Variants in SMAD2 observed in about 807,000 individuals in gnomAD.
SMAD2 encodes the protein SMAD family member 2, also known as MAD homolog 2.
Under a neutral mutation model 64.4 loss-of-function variants are expected in SMAD2, and 8 were observed. That is an observed-to-expected ratio of 0.12 (90% CI 0.07 to 0.22). The LOEUF (loss-of-function observed/expected upper bound fraction) is 0.22. Among genes scored for constraint, SMAD2 ranks in the 10% least tolerant of loss-of-function variants. The pLI, the probability that SMAD2 is intolerant of heterozygous loss-of-function variation, is 1.00. For missense variants in SMAD2, 289 were observed against 561.2 expected, an observed-to-expected ratio of 0.51 and a Z score of 4.90; for synonymous variants, 203 against 195.8, an observed-to-expected ratio of 1.04 and a Z score of -0.31.
chr18:47,909,080 A>G (rs967116810), intron 1 of SMAD2, among the ~76,000 whole-genome samples: 1 of 152,218 alleles, frequency 6.6e-6, no homozygotes. Context: ...AAAAAAAAAA[A>G]AAAAGAAAAT....
At chr18:47,923,297 T>C (rs555258039) in intron 1 of SMAD2, among the ~76,000 whole-genome samples, 3 of 152,276 alleles carry the variant, frequency 2.0e-5, no homozygotes, top group African/African-American at 7.2e-5. Context: ...CCTGACCCTC[T>C]TCTGAAGCAG....
At position 47,832,357 on chromosome 18, in the gene SMAD2, ATTAT is replaced by A. The variant is rs1913029526; in HGVS notation, c.*9466_*9469del. ...TTCAATGTTGGGAAGTCCCTTTTAGATTATTTATACAGTGGCAGGTGGTAGCAAT... is the reference window on the plus strand; with the variant it reads ...TTCAATGTTGGGAAGTCCCTTTTAGATTATACAGTGGCAGGTGGTAGCAAT... On this transcript the variant is annotated 3_prime_UTR_variant, in exon 11 of 11. Coordinates refer to ENST00000262160, the MANE Select transcript of SMAD2 (RefSeq NM_005901.6). The A allele has an allele frequency of 6.6e-6, 1 of 152,206 alleles. No homozygotes were observed. The highest frequency in any genetic ancestry group is 1.5e-5 in the Non-Finnish European group (1 of 68,046). The allele number at this position is 152,206 out of a possible 1,614,324, so 9.4% of individuals were successfully genotyped here.
In SMAD2 at chr18:47,869,291, C is replaced by T. The variant is rs2144378001; in HGVS notation, c.472G>A (p.Asp158Asn). The change falls in exon 4 of 11, where the codon GAT (aspartate) becomes AAT (asparagine). Residue 158 changes from aspartate to asparagine, a missense_variant. Physicochemically the swap from Asp to Asn is conservative, Grantham distance 23. Transcript: ENST00000262160. Reference protein sequence around the residue: ...NCEYAFNLKKDEVCVNPYHYQ... With the variant: ...NCEYAFNLKKNEVCVNPYHYQ... ...TGGTAAGGGTTTACACATACTTCAT[C>T]CTTTTTAAGATTAAAAGCATATTCG... 6.2e-7 allele frequency: 1 copy of T among 1,613,514 alleles called. No homozygotes were observed. The highest frequency in any genetic ancestry group is 8.5e-7 in the Non-Finnish European group (1 of 1,179,664).
In SMAD2 at chr18:47,830,504, G is replaced by A. The variant is rs1254835935; in HGVS notation, c.*11323C>T. ...AGGCAGGAGAATCACTTGAACCCAG[G>A]AGGCGAGGCTGCAGTGAGCCGAGAT... is the stretch of plus-strand genomic sequence containing the variant. On this transcript the variant is annotated 3_prime_UTR_variant, in exon 11 of 11. Coordinates refer to ENST00000262160, the MANE Select transcript of SMAD2 (RefSeq NM_005901.6). 1 of 149,738 alleles carries A rather than the reference G, an allele frequency of 6.7e-6. No homozygotes were observed. Among genetic ancestry groups the A allele is most frequent in the African/African-American group, 2.5e-5 (1 of 40,488 alleles). 9.3% of individuals were successfully genotyped at this position (149,738 alleles called of 1,614,324 possible).
At chr18:47,848,738 A>AT (rs1213790414) in intron 7 of SMAD2, 51 bp from the exon 8 acceptor site, 13 of 1,263,776 alleles carry the variant, frequency 1.0e-5, no homozygotes, top group Non-Finnish European at 1.5e-5. Flanking sequence ...TGCGTGAACA[A>AT]TTCAAGCCAA....
chr18:47,842,803 C>A (rs535236819), intron 10 of SMAD2, among the ~76,000 whole-genome samples: 1 of 152,144 alleles, frequency 6.6e-6, no homozygotes, highest in South Asian at 2.1e-4. Flanking sequence ...CAACACCATT[C>A]GGGCTTTTAA....
At chr18:47,886,758 T>C (rs1176445273) in intron 2 of SMAD2, 3 of 156,228 alleles carry the variant, frequency 1.9e-5, no homozygotes, top group Non-Finnish European at 4.3e-5. Context: ...TTCATAGCGC[T>C]TCCCATCATA....
At chr18:47,930,176 G>A (rs568977021) in intron 1 of SMAD2, 185 bp downstream of exon 1, 1 of 152,324 alleles carries the variant, frequency 6.6e-6, no homozygotes, top group Admixed American at 6.5e-5. Context: ...CAGTGCAACC[G>A]AGCCCCGTCC....
chr18:47,880,528 T>C (rs2032525182), intron 2 of SMAD2, among the ~76,000 whole-genome samples: 2 of 152,218 alleles, frequency 1.3e-5, no homozygotes, highest in Admixed American at 6.5e-5. Flanking sequence ...AAGGTGAGTC[T>C]TGAAGTCAGG....
chr18:47,858,345 T>C (rs2030896377), intron 6 of SMAD2, among the ~76,000 whole-genome samples: 1 of 152,192 alleles, frequency 6.6e-6, no homozygotes, highest in Non-Finnish European at 1.5e-5. Flanking sequence ...ACATACATAT[T>C]ATCACTTGAT....
intron 10 of SMAD2, 35 bp downstream of exon 10, chr18:47,845,305 T>C (rs2144286859): frequency 2.5e-6 from 4 of 1,589,804 alleles, no homozygotes; most frequent in Non-Finnish European, 3.5e-6. Context: ...ATAATTACAC[T>C]GTGGAAATTT....
At chr18:47,858,220 T>C (rs1170368051) in intron 6 of SMAD2, among the ~76,000 whole-genome samples, 2 of 152,142 alleles carry the variant, frequency 1.3e-5, no homozygotes, top group Non-Finnish European at 2.9e-5. Context: ...TGTTACATAT[T>C]AACTGGACAC....
chr18:47,916,965 A>C (rs1339052456), intron 1 of SMAD2, among the ~76,000 whole-genome samples: 1 of 152,178 alleles, frequency 6.6e-6, no homozygotes, highest in Non-Finnish European at 1.5e-5. Flanking sequence ...ACATGCACTA[A>C]ATCAAAGACA....
intron 1 of SMAD2, among the ~76,000 whole-genome samples, chr18:47,926,711 GTTCA>G (rs1472858155): frequency 2.6e-5 from 4 of 152,142 alleles, no homozygotes; most frequent in Non-Finnish European, 4.4e-5. Context: ...GGCCTTTGTT[GTTCA>G]TTGTCTGCTT....
chr18:47,879,648 A>G (rs554772656), intron 2 of SMAD2, among the ~76,000 whole-genome samples: 88 of 152,302 alleles, frequency 5.8e-4, no homozygotes, highest in African/African-American at 1.9e-3. Context: ...CATTCAAGAA[A>G]GTACATATCA....
chr18:47,876,819 T>C (rs903130508), intron 2 of SMAD2, among the ~76,000 whole-genome samples: 1 of 152,104 alleles, frequency 6.6e-6, no homozygotes, highest in Non-Finnish European at 1.5e-5. Flanking sequence ...CGCCTACATA[T>C]ATACACATCT....
chr18:47,857,363 C>A (rs554430473), intron 6 of SMAD2, among the ~76,000 whole-genome samples: 1 of 151,956 alleles, frequency 6.6e-6, no homozygotes, highest in African/African-American at 2.4e-5. Flanking sequence ...ATCCCCAGTG[C>A]GATAGCATCT....
intron 2 of SMAD2, among the ~76,000 whole-genome samples, chr18:47,879,721 A>C (rs184782575): frequency 1.3e-5 from 2 of 152,234 alleles, no homozygotes; most frequent in African/African-American, 4.8e-5. Context: ...ATCTTGAGTC[A>C]GTGGATAGAT....
rs1471467542 is a variant in SMAD2 at position 47,813,643 on chromosome 18, T to C, written c.*28184A>G. The C allele has an allele frequency of 6.6e-6, 1 of 150,986 alleles. No individual in the cohort carries two copies. Among genetic ancestry groups the C allele is most frequent in the Non-Finnish European group, 1.5e-5 (1 of 68,030 alleles). The allele number at this position is 150,986 out of a possible 1,614,324, so 9.4% of individuals were successfully genotyped here. On this transcript the variant is annotated 3_prime_UTR_variant, in exon 11 of 11. Transcript: ENST00000262160. ...GACTGGTCTCAAACTCGTGACCTCA[T>C]GATCCACCTGCCTCGGCCTCCCAAA...
Sources: gnomAD v4.1 joint callset for allele counts (sites outside exome capture counted in the v4.1 genomes callset) on GRCh38, gnomAD v4.1.1 for gene constraint, MANE v1.5 for transcripts, NCBI Gene and HGNC (gene_info 2026-07-23, HGNC 2026-07-21) for gene names.